The following CHP1 variants were observed in gnomAD, a reference collection of about 807,000 sequenced individuals.
The protein encoded by CHP1 is calcineurin B homologous protein 1.
Under a neutral mutation model 27.4 loss-of-function variants are expected in CHP1, and 11 were observed. That is an observed-to-expected ratio of 0.40 (90% CI 0.25 to 0.67). CHP1 has a LOEUF of 0.67. CHP1 is among the 30% of genes least tolerant of loss of function. CHP1 has a pLI of 0.38. For synonymous variants in CHP1, 89 were observed against 87.4 expected (o/e 1.02, Z -0.10); for missense variants, 169 against 251.3 (o/e 0.67, Z 2.22).
At chr15:41,266,095 C>T (rs1310492910) in intron 4 of CHP1, among the ~76,000 whole-genome samples, 1 of 152,068 alleles carries the variant, frequency 6.6e-6, no homozygotes, top group Non-Finnish European at 1.5e-5. Flanking sequence ...ACCAGCCTGA[C>T]CAACATGGTG....
At chr15:41,232,289 C>A (rs1052590125) in intron 1 of CHP1, among the ~76,000 whole-genome samples, 1 of 150,096 alleles carries the variant, frequency 6.7e-6, no homozygotes, top group Middle Eastern at 3.5e-3. Flanking sequence ...CGGCACACTG[C>A]AACTTCCGCC....
intron 2 of CHP1, among the ~76,000 whole-genome samples, chr15:41,244,155 G>A (rs1312281923): frequency 1.4e-5 from 2 of 146,090 alleles, no homozygotes; most frequent in African/African-American, 2.5e-5. Context: ...CAAAGATCAC[G>A]CCACTGCACT....
Position 41,245,738 on chromosome 15 carries a change from G to T in CHP1, c.140+1999G>T, listed in dbSNP as rs2047331428. On this transcript the variant is annotated intron_variant, in intron 2 of 6. Transcript: ENST00000334660. The stretch of plus-strand genomic sequence containing the variant: ...TTGGACGTATACCTAGGAGTGGAAT[G>T]GTGGGTCATATGAGTTGTCTTTTCA... Among the ~76,000 whole-genome samples, 3 of 152,132 alleles carry T rather than the reference G, an allele frequency of 2.0e-5. No homozygotes were observed. The South Asian group carries it at 6.2e-4, about 32-fold the overall frequency.
At chr15:41,246,146 C>T (rs2140926726) in intron 2 of CHP1, among the ~76,000 whole-genome samples, 1 of 152,146 alleles carries the variant, frequency 6.6e-6, no homozygotes, top group Admixed American at 6.6e-5. Flanking sequence ...CTTAAAAATT[C>T]CTTTGAGTTT....
chr15:41,249,727 C>G (rs966541529), intron 2 of CHP1, among the ~76,000 whole-genome samples: 1 of 152,066 alleles, frequency 6.6e-6, no homozygotes, highest in African/African-American at 2.4e-5. Flanking sequence ...CTGCCTTGGC[C>G]TCCCAAAGTG....
At chr15:41,278,260 G>C (rs1214967320) in intron 5 of CHP1, among the ~76,000 whole-genome samples, 2 of 149,928 alleles carry the variant, frequency 1.3e-5, no homozygotes, top group African/African-American at 4.9e-5. Flanking sequence ...GTGAACCCGG[G>C]AGGCAGAGCT....
intron 3 of CHP1, among the ~76,000 whole-genome samples, chr15:41,260,772 T>A (rs2047428837): frequency 6.6e-6 from 1 of 152,084 alleles, no homozygotes; most frequent in Non-Finnish European, 1.5e-5. Flanking sequence ...ATTATGCATA[T>A]GTTTTAAATG....
rs758418751 is a variant in CHP1 at position 41,278,749 on chromosome 15, T to A, written c.412-18T>A. ...TGATTCCCAAGGCCCTTGTAATTCC[T>A]GGCTCTTGGTCTTCCAGGTGCTACG... On this transcript the variant is annotated intron_variant, in intron 5 of 6. Coordinates refer to ENST00000334660, the MANE Select transcript of CHP1 (RefSeq NM_007236.5). 6.2e-7 allele frequency: 1 copy of A among 1,613,820 alleles called. No individual in the cohort carries two copies. Among genetic ancestry groups the A allele is most frequent in the Non-Finnish European group, 8.5e-7 (1 of 1,179,848 alleles).
At chr15:41,278,940 C>A in intron 6 of CHP1, 51 bp downstream of exon 6, 2 of 1,607,874 alleles carry the variant, frequency 1.2e-6, no homozygotes, top group Non-Finnish European at 1.7e-6. Flanking sequence ...TGGCTGGGCG[C>A]GGTGGCTTAC....
At chr15:41,270,003 A>T (rs1190034725) in intron 4 of CHP1, among the ~76,000 whole-genome samples, 1 of 152,114 alleles carries the variant, frequency 6.6e-6, no homozygotes, top group Admixed American at 6.6e-5. Context: ...AGGCTTAAAG[A>T]GAAAGAAACA....
At chr15:41,261,624 C>G (rs1051795961) in intron 3 of CHP1, among the ~76,000 whole-genome samples, 1 of 148,368 alleles carries the variant, frequency 6.7e-6, no homozygotes, top group African/African-American at 2.5e-5. Context: ...TTTGGGAGGC[C>G]GAGGTGGGCA....
chr15:41,236,497 G>A (rs1410601742), intron 1 of CHP1, among the ~76,000 whole-genome samples: 2 of 151,862 alleles, frequency 1.3e-5, no homozygotes, highest in African/African-American at 2.4e-5. Flanking sequence ...CCTGAGTTCA[G>A]GTGGTCCGCT....
chr15:41,267,570 GA>G (rs959679065), intron 4 of CHP1, among the ~76,000 whole-genome samples: 5 of 151,514 alleles, frequency 3.3e-5, no homozygotes, highest in Admixed American at 3.3e-4. Context: ...GCTGAGACAG[GA>G]AAATTGCTTG....
chr15:41,270,976 CCGGG>C (rs1384112324), intron 5 of CHP1, among the ~76,000 whole-genome samples: 4 of 152,092 alleles, frequency 2.6e-5, no homozygotes, highest in Non-Finnish European at 5.9e-5. Context: ...TAGCCATCGG[CCGGG>C]CGCTTTGGCT....
intron 6 of CHP1, 68 bp downstream of exon 6, chr15:41,278,957 A>T: frequency 6.3e-7 from 1 of 1,596,574 alleles, no homozygotes; most frequent in Non-Finnish European, 8.5e-7. Context: ...TTACGCCTGT[A>T]ATCCCAGCAC....
chr15:41,243,472 T>C (rs1472206946), intron 1 of CHP1, among the ~76,000 whole-genome samples, 195 bp from the exon 2 acceptor site: 1 of 152,258 alleles, frequency 6.6e-6, no homozygotes, highest in Non-Finnish European at 1.5e-5. Flanking sequence ...GGATTGAATT[T>C]TGATTGCCCT....
At chr15:41,270,727 C>T (rs1317581470) in intron 5 of CHP1, 109 bp downstream of exon 5, 1 of 846,218 alleles carries the variant, frequency 1.2e-6, no homozygotes, top group Non-Finnish European at 2.0e-6. Context: ...CTGCTATGTG[C>T]AGAGTCCTGT....
At chr15:41,250,427 C>T (rs903930701) in intron 2 of CHP1, among the ~76,000 whole-genome samples, 2 of 152,032 alleles carry the variant, frequency 1.3e-5, no homozygotes, top group Non-Finnish European at 2.9e-5. Context: ...TTAGGCCAGG[C>T]GCAGTGGCTC....
intron 1 of CHP1, 29 bp downstream of exon 1, chr15:41,231,478 G>A: frequency 6.3e-7 from 1 of 1,581,688 alleles, no homozygotes. Context: ...TGGGAACGCC[G>A]GGCGCCTCAG....
Sources: allele counts gnomAD v4.1 joint callset (sites outside exome capture counted in the v4.1 genomes callset), GRCh38; gene constraint gnomAD v4.1.1; transcripts MANE v1.5; gene names NCBI Gene and HGNC (gene_info 2026-07-23, HGNC 2026-07-21).